ASIC2: variants seen among roughly 807,000 people sequenced by gnomAD.
The protein encoded by ASIC2 is acid sensing ion channel subunit 2, also known as acid-sensing ion channel 2.
Under a neutral mutation model 57.3 loss-of-function variants are expected in ASIC2, and 25 were observed. That is an observed-to-expected ratio of 0.44 (90% confidence interval 0.32 to 0.61). The LOEUF (loss-of-function observed/expected upper bound fraction) is 0.61. Among genes scored for constraint, ASIC2 ranks in the 20% least tolerant of loss-of-function variants. ASIC2 has a pLI of 0.06. For synonymous variants in ASIC2, 319 were observed against 307.5 expected (o/e 1.04, Z -0.39); for missense variants, 641 against 738.1 (o/e 0.87, Z 1.52).
intron 1 of ASIC2, among the ~76,000 whole-genome samples, chr17:33,378,728 G>T (rs1181301571): frequency 6.6e-6 from 1 of 152,252 alleles, no homozygotes; most frequent in African/African-American, 2.4e-5. Context: ...AGATGGTGGG[G>T]ATTCTTCATA....
At chr17:33,180,148 C>T (rs1567775225) in intron 1 of ASIC2, among the ~76,000 whole-genome samples, 1 of 152,064 alleles carries the variant, frequency 6.6e-6, no homozygotes, top group Non-Finnish European at 1.5e-5. Context: ...AGGATCTTGA[C>T]CTACACTCTT....
At chr17:33,067,278 C>A (rs532641986) in intron 3 of ASIC2, among the ~76,000 whole-genome samples, 1 of 152,214 alleles carries the variant, frequency 6.6e-6, no homozygotes, top group South Asian at 2.1e-4. Flanking sequence ...GTACCAAGGG[C>A]CACAGACAAA....
intron 1 of ASIC2, among the ~76,000 whole-genome samples, chr17:34,088,063 C>T (rs1910177454): frequency 6.6e-6 from 1 of 152,256 alleles, no homozygotes; most frequent in African/African-American, 2.4e-5. Context: ...CTCCATCCAG[C>T]TTTGTTCCAT....
intron 1 of ASIC2, among the ~76,000 whole-genome samples, chr17:33,337,575 T>C (rs1442379290): frequency 6.6e-6 from 1 of 152,214 alleles, no homozygotes; most frequent in African/African-American, 2.4e-5. Flanking sequence ...AAAGATGTAA[T>C]GAGATAATTC....
At chr17:33,335,143 A>T (rs944142091) in intron 1 of ASIC2, among the ~76,000 whole-genome samples, 1 of 152,214 alleles carries the variant, frequency 6.6e-6, no homozygotes, top group Non-Finnish European at 1.5e-5. Flanking sequence ...ATAGAAATGC[A>T]AGCAGTTAGG....
intron 3 of ASIC2, among the ~76,000 whole-genome samples, chr17:33,047,164 C>G (rs1221330159): frequency 3.3e-5 from 5 of 152,234 alleles, no homozygotes; most frequent in African/African-American, 9.6e-5. Context: ...ACATGTGTGG[C>G]TTTTATGGGA....
intron 1 of ASIC2, among the ~76,000 whole-genome samples, chr17:33,195,749 C>A (rs1264122140): frequency 6.6e-6 from 1 of 152,142 alleles, no homozygotes; most frequent in African/African-American, 2.4e-5. Flanking sequence ...GAAGGTCATG[C>A]AGCTAGGAAG....
At chr17:33,980,310 G>A (rs566004071) in intron 1 of ASIC2, among the ~76,000 whole-genome samples, 51 of 152,260 alleles carry the variant, frequency 3.3e-4, no homozygotes, top group Admixed American at 1.2e-3. Flanking sequence ...GTGAGAAGCC[G>A]GATGAGGGCT....
chr17:33,278,199 ATTT>A (rs58668822), intron 1 of ASIC2, among the ~76,000 whole-genome samples: 1 of 137,602 alleles, frequency 7.3e-6, no homozygotes, highest in Admixed American at 7.2e-5. Context: ...GCCCTTATTC[ATTT>A]TTTTTTTTTT....
chr17:33,428,931 G>T (rs1911308444), intron 1 of ASIC2, among the ~76,000 whole-genome samples: 1 of 152,174 alleles, frequency 6.6e-6, no homozygotes, highest in South Asian at 2.1e-4. Context: ...AACTCAGGGG[G>T]CTCGGCTGTC....
intron 1 of ASIC2, among the ~76,000 whole-genome samples, chr17:33,677,833 A>G (rs3115688): frequency 0.18 from 28,028 of 152,186 alleles, 2,782 homozygotes; most frequent in African/African-American, 0.25. Flanking sequence ...TGGTGAAGAT[A>G]CTGTGAATAC....
At chr17:33,063,479 G>A (rs1156933064) in intron 3 of ASIC2, among the ~76,000 whole-genome samples, 1 of 152,118 alleles carries the variant, frequency 6.6e-6, no homozygotes, top group Non-Finnish European at 1.5e-5. Context: ...TAAGAATGTT[G>A]AATATTGGCC....
intron 1 of ASIC2, among the ~76,000 whole-genome samples, chr17:34,114,512 C>A (rs1025032001): frequency 2.0e-5 from 3 of 152,172 alleles, no homozygotes; most frequent in African/African-American, 7.2e-5. Context: ...CCTGACTCTG[C>A]CACTCACTTG....
chr17:33,079,822 C>A (rs760417502), intron 3 of ASIC2, among the ~76,000 whole-genome samples: 2 of 152,120 alleles, frequency 1.3e-5, no homozygotes, highest in Non-Finnish European at 2.9e-5. Context: ...GAGGTAGGAA[C>A]CAGCATTATC....
At chr17:33,923,095 C>G (rs994981590) in intron 1 of ASIC2, among the ~76,000 whole-genome samples, 1 of 152,164 alleles carries the variant, frequency 6.6e-6, no homozygotes, top group African/African-American at 2.4e-5. Context: ...GCACATGGAA[C>G]CTGCGGGATT....
intron 1 of ASIC2, among the ~76,000 whole-genome samples, chr17:34,027,441 A>T (rs1353330668): frequency 1.3e-5 from 2 of 152,092 alleles, no homozygotes; most frequent in Non-Finnish European, 2.9e-5. Flanking sequence ...GCCCCCCTAT[A>T]ACCATTTAGT....
intron 3 of ASIC2, among the ~76,000 whole-genome samples, chr17:33,050,479 A>G (rs1193546869): frequency 6.6e-6 from 1 of 152,142 alleles, no homozygotes; most frequent in Non-Finnish European, 1.5e-5. Context: ...TCTGTGCTCA[A>G]AAATATTAGG....
chr17:33,431,883 G>T (rs564268595), intron 1 of ASIC2, among the ~76,000 whole-genome samples: 1 of 152,314 alleles, frequency 6.6e-6, no homozygotes, highest in East Asian at 1.9e-4. Context: ...GCCCACGAAA[G>T]AGTATAACTA....
chr17:34,054,844 A>G (rs1247567390), intron 1 of ASIC2, among the ~76,000 whole-genome samples: 2 of 152,226 alleles, frequency 1.3e-5, no homozygotes, highest in African/African-American at 4.8e-5. Context: ...TGAGAGAGAC[A>G]TTATGCATGC....
Sources: gnomAD v4.1 joint callset for allele counts (sites outside exome capture counted in the v4.1 genomes callset) on GRCh38, gnomAD v4.1.1 for gene constraint, MANE v1.5 for transcripts, NCBI Gene and HGNC (gene_info 2026-07-23, HGNC 2026-07-21) for gene names.